The following THOP1 variants were observed in gnomAD, a reference collection of about 807,000 sequenced individuals.
The protein encoded by THOP1 is thimet oligopeptidase.
In THOP1, 49 loss-of-function variants were observed where a neutral mutation model predicts 71.8. The ratio of observed to expected loss-of-function variants is 0.68; its 90% CI spans 0.54 to 0.87. THOP1 has a LOEUF of 0.87. Among genes scored for constraint, THOP1 ranks in the 40% least tolerant of loss-of-function variants. THOP1 has a pLI of 0.00. For synonymous variants in THOP1, 426 were observed against 421.5 expected (o/e 1.01, Z -0.13); for missense variants, 843 against 975.6 (o/e 0.86, Z 1.81).
chr19:2,800,194 A>T (rs1640272), intron 5 of THOP1, among the ~76,000 whole-genome samples: 52,490 of 151,966 alleles, frequency 0.35, 9,494 homozygotes, highest in East Asian at 0.5. Flanking sequence ...TTAATTAATT[A>T]ATTTATTTTG....
intron 4 of THOP1, among the ~76,000 whole-genome samples, chr19:2,797,589 G>A (rs1051647603): frequency 2.0e-5 from 3 of 152,250 alleles, no homozygotes; most frequent in East Asian, 1.9e-4. Flanking sequence ...TGCCTTCGGC[G>A]ATCTCACCAG....
intron 2 of THOP1, among the ~76,000 whole-genome samples, chr19:2,793,704 G>C (rs955811834): frequency 1.3e-5 from 2 of 152,100 alleles, no homozygotes; most frequent in Non-Finnish European, 2.9e-5. Flanking sequence ...AAAAACAAAT[G>C]GCATCACACA....
rs1336516370 is a variant in THOP1, at chr19:2,805,603, G to A, written c.750+427G>A. Among the ~76,000 whole-genome samples the A allele has an allele frequency of 2.0e-5, 3 of 152,126 alleles. No homozygotes were observed. Among genetic ancestry groups the A allele is most frequent in the Non-Finnish European group, 2.9e-5 (2 of 68,020 alleles). The stretch of plus-strand genomic sequence containing the variant: ...TATCTCGCTGTGACTGGCGTCAGAC[G>A]GCCGTTCCCACAGGGACACATGTAA... On this transcript the variant is annotated intron_variant, in intron 6 of 12. Transcript: ENST00000307741. The surrounding 1 kb of genome is among the most constrained non-coding windows in gnomAD (Gnocchi z 6.6).
intron 4 of THOP1, among the ~76,000 whole-genome samples, chr19:2,798,286 C>T (rs1385056500): frequency 6.6e-6 from 1 of 152,162 alleles, no homozygotes; most frequent in Non-Finnish European, 1.5e-5. Context: ...CCGCCTTGGC[C>T]TCCCAAACTG....
intron 2 of THOP1, among the ~76,000 whole-genome samples, chr19:2,791,105 G>A (rs1050056327): frequency 2.0e-5 from 3 of 152,142 alleles, no homozygotes; most frequent in Non-Finnish European, 2.9e-5. Flanking sequence ...CTGCCTCTGC[G>A]CCCTCCGGCG....
intron 1 of THOP1, 107 bp from the exon 2 acceptor site, chr19:2,790,314 T>C: frequency 9.0e-7 from 1 of 1,107,628 alleles, no homozygotes; most frequent in Non-Finnish European, 1.3e-6. Context: ...ACCTCACTCT[T>C]CTGGATGAGA....
rs1231936677 is a variant in THOP1 at position 2,805,064 on chromosome 19, G to A, written c.638G>A (p.Gly213Asp). ...FLNSLEKMEDGKLKVTLKYPH... is the reference protein window; with the variant it reads ...FLNSLEKMEDDKLKVTLKYPH... The stretch of plus-strand genomic sequence containing the variant: ...AACTCCCTGGAGAAGATGGAGGACG[G>A]CAAGTTGAAGGTCACCCTCAAGTAC... Residue 213 changes from glycine to aspartate, a missense_variant, in exon 6 of 13, where the codon GGC becomes GAC. Gly to Asp is a moderately conservative substitution (Grantham distance 94). Coordinates refer to ENST00000307741, the MANE Select transcript of THOP1 (RefSeq NM_003249.5). The surrounding 1 kb of genome is among the most constrained non-coding windows in gnomAD (Gnocchi z 6.6). The A allele has an allele frequency of 4.3e-6, 7 of 1,612,792 alleles. No individual in the cohort carries two copies. In the South Asian group the frequency reaches 7.7e-5, roughly 18 times the overall value.
At chr19:2,807,925 G>C (rs1916350224) in intron 8 of THOP1, 117 bp downstream of exon 8, 2 of 1,216,990 alleles carry the variant, frequency 1.6e-6, no homozygotes, top group Middle Eastern at 2.8e-4. Flanking sequence ...CCTCGGGGAT[G>C]AACCCCGAGA....
chr19:2,797,688 A>G (rs571641913), intron 4 of THOP1, among the ~76,000 whole-genome samples: 24 of 152,368 alleles, frequency 1.6e-4, no homozygotes, highest in Admixed American at 1.5e-3. Flanking sequence ...TTTGTGATTT[A>G]TGATATTCAC....
chr19:2,809,189 G>T (rs1486943409), intron 9 of THOP1, among the ~76,000 whole-genome samples: 1 of 152,206 alleles, frequency 6.6e-6, no homozygotes, highest in Non-Finnish European at 1.5e-5. Context: ...TGTGTGTTTT[G>T]GGTTCAAGAC....
rs1309713079 is a variant in THOP1, at chr19:2,814,754, G to C, written c.*1478G>C. ...AATCCATAAGTGGGAACACCACAGT[G>C]GTCACGTTTCAGATACTCACAGCTC... On this transcript the variant is annotated 3_prime_UTR_variant, in exon 13 of 13. Transcript: ENST00000307741. 1.3e-5 allele frequency: 2 copies of C among 152,428 alleles called. No individual in the cohort carries two copies. Among genetic ancestry groups the C allele is most frequent in the Non-Finnish European group, 2.9e-5 (2 of 68,204 alleles). 9.4% of individuals were successfully genotyped at this position (152,428 alleles called of 1,614,324 possible).
At chr19:2,812,059 T>C (rs1241429897) in intron 12 of THOP1, 1 of 1,180,844 alleles carries the variant, frequency 8.5e-7, no homozygotes, top group Non-Finnish European at 1.1e-6. Context: ...GGCCTCGGGC[T>C]GTGAGTGCTG....
In THOP1 at chr19:2,808,364, G is replaced by A. The variant is rs760056732; in HGVS notation, c.1375G>A (p.Ala459Thr). The A allele has an allele frequency of 2.4e-5, 39 of 1,610,632 alleles. No homozygotes were observed. Among genetic ancestry groups the A allele is most frequent in the South Asian group, 1.4e-4 (13 of 90,776 alleles). Residue 459 changes from alanine (A) to threonine (T), a missense_variant, in exon 9 of 13, where the codon GCG (alanine) becomes ACG (threonine). Physicochemically the swap from Ala to Thr is moderately conservative, Grantham distance 58. Coordinates refer to ENST00000307741, the MANE Select transcript of THOP1 (RefSeq NM_003249.5). ...CAACTTCACCAAGCCCACAGCCGAC[G>A]CGCCCTCGCTGCTGCAGCATGACGA... ...VANFTKPTAD[A>T]PSLLQHDEVE...
chr19:2,810,014 G>A (rs1916415045), intron 9 of THOP1: 1 of 487,986 alleles, frequency 2.0e-6, no homozygotes, highest in African/African-American at 2.0e-5. Flanking sequence ...TCGGGGTGCG[G>A]AGCTTTCAGG....
chr19:2,797,701 C>T (rs915545124), intron 4 of THOP1, among the ~76,000 whole-genome samples: 1 of 152,220 alleles, frequency 6.6e-6, no homozygotes, highest in Non-Finnish European at 1.5e-5. Context: ...ATATTCACAA[C>T]TCACGATGGG....
In THOP1 at chr19:2,805,019, G is replaced by A; in HGVS notation, c.593G>A (p.Gly198Glu). The A allele has an allele frequency of 6.2e-7, 1 of 1,611,594 alleles. No individual in the cohort carries two copies. The highest frequency in any genetic ancestry group is 1.1e-5 in the South Asian group (1 of 90,820). Residue 198 changes from glycine to glutamate, a missense_variant, in exon 6 of 13, where the codon GGG (glycine) becomes GAG (glutamate). Gly to Glu is a moderately conservative substitution (Grantham distance 98). Transcript: ENST00000307741. The surrounding 1 kb of genome is among the most constrained non-coding windows in gnomAD (Gnocchi z 6.6). ...CACCCTGGTTCTGTCCCCATAGGAG[G>A]GCTCCCCGAGGACTTTCTGAACTCC... ...FLPFTLQELG[G>E]LPEDFLNSLE... is the part of the protein sequence containing the mutation.
intron 1 of THOP1, among the ~76,000 whole-genome samples, chr19:2,789,667 G>A (rs572297097): frequency 6.6e-6 from 1 of 152,296 alleles, no homozygotes; most frequent in African/African-American, 2.4e-5. Context: ...CAGTGCGTGG[G>A]TGGTCCTGGA....
rs537725279 is a variant in THOP1 at position 2,792,143 on chromosome 19, C to T, written c.229+1510C>T. ...GCGGTCACTTGTCTAATCGGTCGCC[C>T]GTAAATCCCGAGAGGACAGAGCTGA... On this transcript the variant is annotated intron_variant, in intron 2 of 12. Transcript: ENST00000307741. 2.6e-5 allele frequency among the ~76,000 whole-genome samples: 4 copies of T among 152,336 alleles called. No individual in the cohort carries two copies. The East Asian group carries it at 5.8e-4, about 22-fold the overall frequency.
chr19:2,792,850 A>G (rs1007458992), intron 2 of THOP1, among the ~76,000 whole-genome samples: 4 of 152,000 alleles, frequency 2.6e-5, no homozygotes, highest in Admixed American at 6.6e-5. Flanking sequence ...CCATTGAGAT[A>G]TGATTTGCAT....
Sources: allele counts gnomAD v4.1 joint callset (sites outside exome capture counted in the v4.1 genomes callset), GRCh38; gene constraint gnomAD v4.1.1; non-coding constraint Gnocchi (gnomAD v3.1); transcripts MANE v1.5; gene names NCBI Gene and HGNC (gene_info 2026-07-23, HGNC 2026-07-21).